SUCLG2: variants seen among roughly 807,000 people sequenced by gnomAD.
SUCLG2 encodes succinate-CoA ligase GDP-forming subunit beta.
A neutral mutation model predicts 47.9 loss-of-function variants in SUCLG2; 42 were observed. That is an observed-to-expected ratio of 0.88 (90% CI 0.69 to 1.14). SUCLG2 has a LOEUF of 1.14. Ranked by LOEUF, SUCLG2 falls within the 50% of genes most tolerant of loss-of-function variation. The probability of loss-of-function intolerance (pLI) is 0.00; values close to 1 mark genes in which losing one functional copy is unlikely to be tolerated. For synonymous variants in SUCLG2, 195 were observed against 197.3 expected (o/e 0.99, Z 0.10); for missense variants, 571 against 525.9 (o/e 1.09, Z -0.84).
chr3:67,369,627 T>G (rs1701925018), intron 10 of SUCLG2, among the ~76,000 whole-genome samples: 1 of 152,224 alleles, frequency 6.6e-6, no homozygotes, highest in South Asian at 2.1e-4. Context: ...CAGTCTTGTT[T>G]GGAAGAGCTG....
intron 1 of SUCLG2, among the ~76,000 whole-genome samples, chr3:67,632,952 T>C (rs1700951222): frequency 1.3e-5 from 2 of 152,204 alleles, no homozygotes; most frequent in African/African-American, 4.8e-5. Context: ...ATCTACACTG[T>C]CAAGCAAAGA....
intron 9 of SUCLG2, among the ~76,000 whole-genome samples, chr3:67,421,050 T>C (rs531311126): frequency 6.6e-6 from 1 of 152,298 alleles, no homozygotes; most frequent in Admixed American, 6.5e-5. Context: ...GGTCATTTCA[T>C]CCTCACAAGA....
At chr3:67,539,668 A>G (rs1706646735) in intron 2 of SUCLG2, among the ~76,000 whole-genome samples, 1 of 152,170 alleles carries the variant, frequency 6.6e-6, no homozygotes. Flanking sequence ...GGCAGAAGTC[A>G]GCTGTGAATC....
At position 67,471,966 on chromosome 3, in the gene SUCLG2, T is replaced by C. The variant is rs545039096; in HGVS notation, c.1062+23832A>G. On this transcript the variant is annotated intron_variant, in intron 9 of 10. Transcript: ENST00000307227. ...AACATATTAGATATATGCATACACC[T>C]TCCTATGTTTAGAGTCCTTAATGAC... is the stretch of plus-strand genomic sequence containing the variant. 2.9e-5 allele frequency among the ~76,000 whole-genome samples: 3 copies of C among 102,982 alleles called. No homozygotes were observed. In the East Asian group the frequency reaches 6.8e-4, roughly 23 times the overall value. The allele number at this position is 102,982 out of a possible 152,430, so 67.6% of individuals were successfully genotyped here.
Position 67,534,282 on chromosome 3 carries a change from A to T in SUCLG2, c.227-5096T>A, listed in dbSNP as rs148568991. ...TTTGGATACTGTGGGGGCATGATAA[A>T]GCCATTTTGAAGAGTTTGATTATTT... On this transcript the variant is annotated intron_variant, in intron 2 of 10. Transcript: ENST00000307227. Among the ~76,000 whole-genome samples the T allele has an allele frequency of 4.4e-3, 670 of 152,276 alleles. 6 individuals carry two copies. In the East Asian group the frequency reaches 0.053, roughly 12 times the overall value.
chr3:67,499,194 A>G (rs892841941), intron 7 of SUCLG2, among the ~76,000 whole-genome samples: 9 of 151,542 alleles, frequency 5.9e-5, no homozygotes, highest in Non-Finnish European at 1.2e-4. Flanking sequence ...ATCTTCTCAT[A>G]TAGTTTTTGG....
intron 9 of SUCLG2, among the ~76,000 whole-genome samples, chr3:67,422,372 G>C (rs1000891558): frequency 6.7e-6 from 1 of 149,382 alleles, no homozygotes; most frequent in African/African-American, 2.5e-5. Flanking sequence ...CTACTCTGGA[G>C]GCTGAGGCAG....
rs1299832829 is a variant in SUCLG2, at chr3:67,468,341, C to G, written c.1062+27457G>C. 2.6e-5 allele frequency among the ~76,000 whole-genome samples: 4 copies of G among 152,208 alleles called. No homozygotes were observed. The South Asian group carries it at 8.3e-4, about 32-fold the overall frequency. The stretch of plus-strand genomic sequence containing the variant: ...CCTGTAATATTTTCTGCTTCACACT[C>G]TTCTGCAGTGCAACTTTGCCATTCT... On this transcript the variant is annotated intron_variant, in intron 9 of 10. Coordinates refer to ENST00000307227, the MANE Select transcript of SUCLG2 (RefSeq NM_003848.4).
At chr3:67,633,074 G>A (rs981771679) in intron 1 of SUCLG2, among the ~76,000 whole-genome samples, 1 of 152,138 alleles carries the variant, frequency 6.6e-6, no homozygotes, top group Non-Finnish European at 1.5e-5. Context: ...CATTCTCATC[G>A]CTAGAATCCA....
intron 1 of SUCLG2, among the ~76,000 whole-genome samples, chr3:67,648,697 A>C (rs1701235096): frequency 6.6e-6 from 1 of 152,306 alleles, no homozygotes; most frequent in Middle Eastern, 3.4e-3. Flanking sequence ...TACATGCCCA[A>C]GGAACAGTTC....
At chr3:67,504,998 A>C (rs1299372144) in intron 7 of SUCLG2, among the ~76,000 whole-genome samples, 1 of 152,220 alleles carries the variant, frequency 6.6e-6, no homozygotes, top group Non-Finnish European at 1.5e-5. Context: ...TGTTTCAATA[A>C]GGTTGCATCT....
intron 9 of SUCLG2, among the ~76,000 whole-genome samples, chr3:67,488,144 A>G (rs2107036521): frequency 6.6e-6 from 1 of 152,082 alleles, no homozygotes; most frequent in South Asian, 2.1e-4. Flanking sequence ...GTATATATAA[A>G]TATATCTGTG....
intron 1 of SUCLG2, among the ~76,000 whole-genome samples, chr3:67,631,456 C>T (rs1168484843): frequency 6.6e-6 from 1 of 151,822 alleles, no homozygotes; most frequent in African/African-American, 2.4e-5. Context: ...GGTGAAACCC[C>T]GTCTCTACCA....
chr3:67,459,425 C>G (rs953821083), intron 9 of SUCLG2, among the ~76,000 whole-genome samples: 3 of 152,168 alleles, frequency 2.0e-5, no homozygotes, highest in Admixed American at 6.5e-5. Flanking sequence ...ACTATTCCAT[C>G]TTCAAAACAA....
chr3:67,492,048 G>A (rs1705220825), intron 9 of SUCLG2, among the ~76,000 whole-genome samples: 1 of 152,084 alleles, frequency 6.6e-6, no homozygotes, highest in Non-Finnish European at 1.5e-5. Flanking sequence ...ACTTGTCTTT[G>A]GTGCTTAGGT....
At chr3:67,619,969 T>C (rs187278822) in intron 1 of SUCLG2, among the ~76,000 whole-genome samples, 1 of 152,222 alleles carries the variant, frequency 6.6e-6, no homozygotes, top group East Asian at 1.9e-4. Flanking sequence ...ATCACCTTAA[T>C]TTTACCCTGC....
chr3:67,552,925 G>C lies in SUCLG2; in HGVS notation c.227-23739C>G, dbSNP rs58457361. On this transcript the variant is annotated intron_variant, in intron 2 of 10. Transcript: ENST00000307227. ...AAATGCAACTGTTGTCTGAACACCT[G>C]TTAGGTGATAAGAAATATACTGAAT... Among the ~76,000 whole-genome samples, 872 of 152,270 alleles carry C rather than the reference G, an allele frequency of 5.7e-3. 7 individuals are homozygous for C. The highest frequency in any genetic ancestry group is 0.01 in the Middle Eastern group (3 of 294).
At chr3:67,387,276 G>A (rs1378128610) in intron 10 of SUCLG2, among the ~76,000 whole-genome samples, 2 of 152,190 alleles carry the variant, frequency 1.3e-5, no homozygotes, top group Non-Finnish European at 2.9e-5. Context: ...AGGAGTCAAT[G>A]AGTGCATCAG....
chr3:67,571,165 T>C (rs1158059046), intron 2 of SUCLG2, among the ~76,000 whole-genome samples: 1 of 152,074 alleles, frequency 6.6e-6, no homozygotes, highest in Non-Finnish European at 1.5e-5. Context: ...CCTGAGGAAA[T>C]TTTGCCCCCC....
Sources: gnomAD v4.1 joint callset for allele counts (sites outside exome capture counted in the v4.1 genomes callset) on GRCh38, gnomAD v4.1.1 for gene constraint, MANE v1.5 for transcripts, NCBI Gene and HGNC (gene_info 2026-07-23, HGNC 2026-07-21) for gene names.